The following GNL3L variants were observed in gnomAD, a reference collection of about 807,000 sequenced individuals.
GNL3L encodes the protein G protein nucleolar 3 like.
GNL3L carries 4 observed loss-of-function variants against 42.9 expected under a neutral mutation model. The observed-to-expected ratio is 0.09, with a 90% CI of 0.05 to 0.21. The LOEUF is 0.21. Among genes scored for constraint, GNL3L ranks in the 10% least tolerant of loss-of-function variants. The pLI, the probability that GNL3L is intolerant of heterozygous loss-of-function variation, is 1.00. For missense variants in GNL3L, 412 were observed against 481.7 expected, an observed-to-expected ratio of 0.86 and a Z score of 1.36; for synonymous variants, 159 against 176.3, an observed-to-expected ratio of 0.90 and a Z score of 0.78.
intron 16 of GNL3L, among the ~76,000 whole-genome samples, chrX:54,574,424 C>T (rs149496095): frequency 0.012 from 1,333 of 111,875 alleles, 26 homozygotes; most frequent in African/African-American, 0.041. Flanking sequence ...ACCAATATAG[C>T]GTATTGCATT....
intron 2 of GNL3L, among the ~76,000 whole-genome samples, chrX:54,533,970 T>C (rs1004792126): frequency 5.0e-5 from 5 of 100,959 alleles, no homozygotes; most frequent in Non-Finnish European, 9.6e-5. Flanking sequence ...AAAAACTGTA[T>C]TGTGTGGAAA....
At chrX:54,620,866 C>T (rs1307632925) in exon 17 of GNL3L, among the ~76,000 whole-genome samples, 1 of 112,254 alleles carries the variant, frequency 8.9e-6, no homozygotes, top group Admixed American at 9.4e-5. Flanking sequence ...CATGGTTTCA[C>T]AATGGCTGTC....
chrX:54,591,518 G>T (rs769085686), intron 16 of GNL3L, among the ~76,000 whole-genome samples: 338 of 108,291 alleles, frequency 3.1e-3, no homozygotes, highest in African/African-American at 8.3e-3. Flanking sequence ...GCTTGGACCC[G>T]GGAGGTGGAG....
At chrX:54,572,705 C>T (rs911503015) in intron 16 of GNL3L, among the ~76,000 whole-genome samples, 2 of 110,781 alleles carry the variant, frequency 1.8e-5, no homozygotes, top group Non-Finnish European at 3.8e-5. Context: ...ACCTCCCTCC[C>T]GGACAGGGTA....
chrX:54,610,220 GT>G (rs376511656), intron 16 of GNL3L, among the ~76,000 whole-genome samples: 1 of 111,426 alleles, frequency 9.0e-6, no homozygotes, highest in Non-Finnish European at 1.9e-5. Context: ...ACTTGGCTGA[GT>G]TTTTTTTATC....
chrX:54,541,328 G>T lies in GNL3L; in HGVS notation c.245G>T (p.Arg82Leu), dbSNP rs772386644. Residue 82 changes from arginine (R) to leucine (L), a missense_variant, in exon 5 of 16, where the codon CGC (arginine) becomes CTC (leucine). Arg to Leu is a moderately radical substitution (Grantham distance 102). Transcript: ENST00000360845. ...QAAREQERQK[R>L]RTIESYCQDV... is the part of the protein sequence containing the mutation. ...GCCCGGGAGCAAGAAAGACAAAAACGCAGGACCATTGAGAGCTACTGTCAG... is the reference window on the plus strand; with the variant it reads ...GCCCGGGAGCAAGAAAGACAAAAACTCAGGACCATTGAGAGCTACTGTCAG... 1 of 1,210,176 alleles carries T rather than the reference G, an allele frequency of 8.3e-7. No homozygotes were observed.
chrX:54,538,527 C>G, intron 2 of GNL3L, among the ~76,000 whole-genome samples: 1 of 111,312 alleles, frequency 9.0e-6, no homozygotes, highest in Non-Finnish European at 1.9e-5. Flanking sequence ...TGGTAGATCT[C>G]TTCTTTTTGT....
rs1297555608 is a variant in GNL3L at position 54,621,079 on chromosome X, C to T, written c.*280C>T. On this transcript the variant is annotated 3_prime_UTR_variant, in exon 17 of 17. Transcript: ENST00000674498. ...GCAGCAATCTCACTCATCCCACATA[C>T]TTTAATACAATGAGACCTTACCATT... Among the ~76,000 whole-genome samples, 3 of 112,307 alleles carry T rather than the reference C, an allele frequency of 2.7e-5. No individual in the cohort carries two copies. The East Asian group carries it at 8.4e-4, about 31-fold the overall frequency.
chrX:54,556,138 G>A (rs1278135915), intron 14 of GNL3L, among the ~76,000 whole-genome samples: 1 of 110,958 alleles, frequency 9.0e-6, no homozygotes, highest in African/African-American at 3.3e-5. Flanking sequence ...TCATGTATTA[G>A]TCCGTTTTCA....
downstream of GNL3L, among the ~76,000 whole-genome samples, chrX:54,624,189 G>C (rs1367945163): frequency 9.0e-6 from 1 of 111,459 alleles, no homozygotes; most frequent in African/African-American, 3.3e-5. Flanking sequence ...CCTAAGTGCT[G>C]GGATTATTAT....
chrX:54,577,397 A>G (rs1925651141), intron 16 of GNL3L, among the ~76,000 whole-genome samples: 1 of 112,060 alleles, frequency 8.9e-6, no homozygotes, highest in South Asian at 3.7e-4. Context: ...CAATTCTGCT[A>G]ATAACATCAT....
rs773558487 is a variant in GNL3L, at chrX:54,565,468, G to C, written c.*4866G>C. Among the ~76,000 whole-genome samples the C allele has an allele frequency of 3.6e-5, 4 of 111,467 alleles. No individual in the cohort carries two copies. Among genetic ancestry groups the C allele is most frequent in the Non-Finnish European group, 5.6e-5 (3 of 53,106 alleles). On this transcript the variant is annotated 3_prime_UTR_variant, in exon 16 of 16. Transcript: ENST00000360845. ...TCCTCTCTAGTACTTGGGGGTGTCA[G>C]TTTAGTTTTTTAATTTTTAAATTTT... is the stretch of plus-strand genomic sequence containing the variant.
At chrX:54,642,399 T>C in the GNL3L span, among the ~76,000 whole-genome samples, 1 of 111,759 alleles carries the variant, frequency 8.9e-6, no homozygotes, top group Admixed American at 9.5e-5. Context: ...ATCAATCAGC[T>C]CCTTCGACTC....
rs191894947 is a variant in GNL3L at position 54,593,604 on chromosome X, T to C, written c.*46-27241T>C. 4.5e-5 allele frequency among the ~76,000 whole-genome samples: 5 copies of C among 111,151 alleles called. No homozygotes were observed. In the East Asian group the frequency reaches 1.4e-3, roughly 31 times the overall value. On this transcript the variant is annotated intron_variant, in intron 16 of 16. Transcript: ENST00000674498. ...ATTGTTTTCATTTCATATTTATTTATTTCTGCTCTGGTCCTTATCATTTCT... is the reference window on the plus strand; with the variant it reads ...ATTGTTTTCATTTCATATTTATTTACTTCTGCTCTGGTCCTTATCATTTCT...
downstream of GNL3L, among the ~76,000 whole-genome samples, chrX:54,625,504 C>T (rs1351422806): frequency 9.1e-6 from 1 of 110,460 alleles, no homozygotes; most frequent in Non-Finnish European, 1.9e-5. Flanking sequence ...CCCTTGCATT[C>T]CTGGGATAAA....
At chrX:54,623,087 T>C (rs1394761231), downstream of GNL3L, among the ~76,000 whole-genome samples, 1 of 111,796 alleles carries the variant, frequency 8.9e-6, no homozygotes, top group African/African-American at 3.3e-5. Context: ...TATGTCTATC[T>C]TTATACTAGT....
chrX:54,585,570 CTT>C (rs1354913371), intron 16 of GNL3L, among the ~76,000 whole-genome samples: 2 of 111,770 alleles, frequency 1.8e-5, no homozygotes, highest in Non-Finnish European at 3.8e-5. Context: ...ATCTTACAAT[CTT>C]TTATATTTAT....
At chrX:54,614,343 C>G (rs1926197566) in intron 16 of GNL3L, among the ~76,000 whole-genome samples, 1 of 111,491 alleles carries the variant, frequency 9.0e-6, no homozygotes, top group South Asian at 3.8e-4. Context: ...CCCGGCTACT[C>G]ACCTTCCAGC....
intron 16 of GNL3L, among the ~76,000 whole-genome samples, chrX:54,620,120 A>G (rs1262297390): frequency 8.9e-6 from 1 of 111,744 alleles, no homozygotes; most frequent in African/African-American, 3.3e-5. Context: ...CCTTTGTGTT[A>G]CAAACAATAC....
Sources: gnomAD v4.1 joint callset for allele counts (sites outside exome capture counted in the v4.1 genomes callset) on GRCh38, gnomAD v4.1.1 for gene constraint, MANE v1.5 for transcripts, NCBI Gene and HGNC (gene_info 2026-07-23, HGNC 2026-07-21) for gene names.